The following FOXN3 variants were observed in gnomAD, a reference collection of about 807,000 sequenced individuals.
The protein encoded by FOXN3 is forkhead box N3.
In FOXN3, 7 loss-of-function variants were observed where a neutral mutation model predicts 38.4. The observed-to-expected ratio is 0.18, with a 90% CI of 0.10 to 0.34. FOXN3 has a LOEUF of 0.34. FOXN3 is among the 10% of genes least tolerant of loss of function. The pLI is 1.00. For synonymous variants in FOXN3, 230 were observed against 242.2 expected, an observed-to-expected ratio of 0.95 and a Z score of 0.47; for missense variants, 456 against 613.4, an observed-to-expected ratio of 0.74 and a Z score of 2.71.
intron 1 of FOXN3, among the ~76,000 whole-genome samples, chr14:89,435,796 C>T (rs543231829): frequency 8.5e-5 from 13 of 152,328 alleles, no homozygotes; most frequent in Non-Finnish European, 2.9e-5. Context: ...AAACCTCTCA[C>T]AGATTTCCTG....
intron 1 of FOXN3, among the ~76,000 whole-genome samples, chr14:89,429,460 T>C (rs992411796): frequency 6.6e-6 from 1 of 152,142 alleles, no homozygotes; most frequent in Non-Finnish European, 1.5e-5. Context: ...AAGGGAATCA[T>C]ACCCAGGAGT....
intron 1 of FOXN3, among the ~76,000 whole-genome samples, chr14:89,616,526 A>G (rs1018942763): frequency 2.2e-5 from 2 of 90,176 alleles, no homozygotes; most frequent in South Asian, 4.3e-4. Context: ...CCCCAACCCC[A>G]CCCCCACCAC....
chr14:89,486,737 T>C lies in FOXN3; in HGVS notation c.-14-74247A>G, dbSNP rs542061535. ...GCAGAGAGAGCCCTTGCAACCACAA[T>C]GGATGTCATCTCTGGCCTGACTCTA... On this transcript the variant is annotated intron_variant, in intron 1 of 6. Coordinates refer to the FOXN3 transcript ENST00000345097. The C allele has an allele frequency of 3.3e-5, 5 of 152,274 alleles. No individual in the cohort carries two copies. The East Asian group carries it at 7.7e-4, about 24-fold the overall frequency. 9.4% of individuals were successfully genotyped at this position (152,274 alleles called of 1,614,324 possible).
At chr14:89,589,135 AT>A (rs928210809) in intron 1 of FOXN3, among the ~76,000 whole-genome samples, 9 of 151,390 alleles carry the variant, frequency 5.9e-5, no homozygotes, top group East Asian at 1.9e-4. Flanking sequence ...AACTGCAGTC[AT>A]TTTTTTTTCT....
At chr14:89,364,236 T>C (rs1293491460) in intron 2 of FOXN3, among the ~76,000 whole-genome samples, 1 of 138,724 alleles carries the variant, frequency 7.2e-6, no homozygotes, top group African/African-American at 2.7e-5. Flanking sequence ...AGATCGACAA[T>C]TACTCCAGCA....
At chr14:89,413,705 G>A (rs1891606887) in intron 1 of FOXN3, among the ~76,000 whole-genome samples, 1 of 142,838 alleles carries the variant, frequency 7.0e-6, no homozygotes, top group African/African-American at 2.6e-5. Context: ...AAGAGAAGGG[G>A]GAAGGGAACG....
rs34026101 is a variant in FOXN3, at chr14:89,415,604, C to CAAAAAAAA, written c.-15+1259_-15+1266dup. On this transcript the variant is annotated intron_variant, in intron 1 of 5. Coordinates refer to ENST00000557258, the MANE Select transcript of FOXN3 (RefSeq NM_005197.4). ...AAAAACAAAACAAAACAACAATAACCAAAAAAAAAAAAAAAAAAAAAAAAA... is the reference window on the plus strand; with the variant it reads ...AAAAACAAAACAAAACAACAATAACCAAAAAAAAAAAAAAAAAAAAAAAAAAAAAAAAA... Among the ~76,000 whole-genome samples, 160 of 54,244 alleles carry CAAAAAAAA rather than the reference C, an allele frequency of 2.9e-3. 9 individuals are homozygous for CAAAAAAAA. The highest frequency in any genetic ancestry group is 4.7e-3 in the African/African-American group (84 of 17,862). 35.6% of individuals were successfully genotyped at this position (54,244 alleles called of 152,430 possible). A position where few individuals can be genotyped will look rare whatever the true frequency, so the allele number is the denominator to read the frequency against.
At chr14:89,466,831 C>G (rs1892981863) in intron 1 of FOXN3, among the ~76,000 whole-genome samples, 2 of 152,190 alleles carry the variant, frequency 1.3e-5, no homozygotes, top group South Asian at 4.1e-4. Flanking sequence ...CCAGTCACCA[C>G]ACTGATCCCC....
intron 1 of FOXN3, among the ~76,000 whole-genome samples, chr14:89,553,238 C>CAAAAAAAA (rs146581490): frequency 1.3e-5 from 1 of 79,034 alleles, no homozygotes; most frequent in East Asian, 3.8e-4. Flanking sequence ...GACCCTGTCC[C>CAAAAAAAA]AAAAAAAAAA....
In FOXN3 at chr14:89,360,579, A is replaced by AGAGAG. The variant is rs397713533; in HGVS notation, c.544-9772_544-9771insCTCTC. The stretch of plus-strand genomic sequence containing the variant: ...AGGAGGTGAGGAGAGAGAGAGAGAG[A>AGAGAG]AGAAGAAAGGGAGAGAGGGAGGGAA... On this transcript the variant is annotated intron_variant, in intron 2 of 5. Transcript: ENST00000557258. Among the ~76,000 whole-genome samples the AGAGAG allele has an allele frequency of 7.8e-4, 85 of 108,924 alleles. 1 individual carries two copies. The highest frequency in any genetic ancestry group is 2.7e-3 in the African/African-American group (81 of 29,642). The allele number at this position is 108,924 out of a possible 152,430, so 71.5% of individuals were successfully genotyped here.
chr14:89,291,762 G>A (rs1055179421), intron 3 of FOXN3, among the ~76,000 whole-genome samples: 7 of 152,154 alleles, frequency 4.6e-5, no homozygotes, highest in African/African-American at 7.2e-5. Context: ...ACGTGTTTGC[G>A]AACTGCGATT....
intron 4 of FOXN3, among the ~76,000 whole-genome samples, chr14:89,201,820 C>T (rs1046164049): frequency 2.0e-5 from 3 of 152,242 alleles, no homozygotes; most frequent in Non-Finnish European, 4.4e-5. Flanking sequence ...GAAGCCACTT[C>T]CTCCTCTAGT....
chr14:89,516,559 GTTTTTT>G (rs546187742), intron 1 of FOXN3, among the ~76,000 whole-genome samples: 3 of 129,632 alleles, frequency 2.3e-5, no homozygotes, highest in African/African-American at 2.8e-5. Flanking sequence ...GCTGCCAGTA[GTTTTTT>G]TTTTTTTTTT....
At chr14:89,180,610 G>A (rs1234072596) in intron 5 of FOXN3, 91 bp downstream of exon 5, 1 of 878,080 alleles carries the variant, frequency 1.1e-6, no homozygotes, top group Non-Finnish European at 1.7e-6. Context: ...GTTCGAAGCA[G>A]CTCCTCTCTG....
chr14:89,335,205 G>A (rs555494618), intron 3 of FOXN3, among the ~76,000 whole-genome samples: 5 of 151,958 alleles, frequency 3.3e-5, no homozygotes, highest in South Asian at 4.2e-4. Flanking sequence ...CACACTGTAC[G>A]CCTTAAATAT....
intron 1 of FOXN3, among the ~76,000 whole-genome samples, chr14:89,568,365 G>A (rs911811342): frequency 3.9e-5 from 6 of 152,036 alleles, no homozygotes; most frequent in South Asian, 2.1e-4. Context: ...GAAACTGGCC[G>A]ATGTTTTCCC....
intron 1 of FOXN3, among the ~76,000 whole-genome samples, chr14:89,616,984 C>T (rs1332144965): frequency 6.6e-6 from 1 of 152,156 alleles, no homozygotes. Flanking sequence ...CCAACAAGTT[C>T]TCCAGGCATC....
At chr14:89,307,848 T>G (rs371021170) in intron 3 of FOXN3, among the ~76,000 whole-genome samples, 4 of 152,210 alleles carry the variant, frequency 2.6e-5, no homozygotes, top group African/African-American at 9.7e-5. Flanking sequence ...TAATGCAAAT[T>G]TCAATGTGTG....
intron 1 of FOXN3, among the ~76,000 whole-genome samples, chr14:89,510,148 A>G (rs947897659): frequency 1.1e-4 from 16 of 152,112 alleles, no homozygotes; most frequent in African/African-American, 3.4e-4. Context: ...CAGGAAGGAG[A>G]ATTCCTCCAT....
Sources: allele counts gnomAD v4.1 joint callset (sites outside exome capture counted in the v4.1 genomes callset), GRCh38; gene constraint gnomAD v4.1.1; transcripts MANE v1.5; gene names NCBI Gene and HGNC (gene_info 2026-07-23, HGNC 2026-07-21).